The following GPC6 variants were observed in gnomAD, a reference collection of about 807,000 sequenced individuals.
The protein encoded by GPC6 is glypican 6, also known as glypican-6.
In GPC6, 14 loss-of-function variants were observed where a neutral mutation model predicts 55.2. The observed-to-expected ratio is 0.25, with a 90% CI of 0.17 to 0.40. GPC6 has a LOEUF of 0.40. GPC6 is among the 10% of genes least tolerant of loss of function. GPC6 has a pLI of 1.00. For synonymous variants in GPC6, 278 were observed against 259.6 expected (o/e 1.07, Z -0.68); for missense variants, 641 against 708.5 (o/e 0.90, Z 1.08).
intron 1 of GPC6, among the ~76,000 whole-genome samples, chr13:93,365,882 G>A (rs1294811079): frequency 6.6e-6 from 1 of 151,990 alleles, no homozygotes; most frequent in African/African-American, 2.4e-5. Flanking sequence ...GGAAAAAAGA[G>A]GTTTCCAAAT....
chr13:93,806,345 T>C (rs1886541511), intron 2 of GPC6, among the ~76,000 whole-genome samples: 1 of 152,166 alleles, frequency 6.6e-6, no homozygotes, highest in South Asian at 2.1e-4. Context: ...TTCATTTTTA[T>C]TTTTTATTTG....
At chr13:94,156,131 A>T (rs1204301163) in intron 4 of GPC6, among the ~76,000 whole-genome samples, 1 of 152,178 alleles carries the variant, frequency 6.6e-6, no homozygotes. Context: ...GAAAAACGGG[A>T]TATGTCAAAC....
At chr13:93,776,306 A>G (rs1169838914) in intron 2 of GPC6, among the ~76,000 whole-genome samples, 3 of 152,194 alleles carry the variant, frequency 2.0e-5, no homozygotes, top group Admixed American at 2.0e-4. Flanking sequence ...AGTTCTAAAC[A>G]CTTTAACAAC....
intron 4 of GPC6, among the ~76,000 whole-genome samples, chr13:94,105,792 G>A (rs977036433): frequency 1.3e-5 from 2 of 152,162 alleles, no homozygotes; most frequent in African/African-American, 2.4e-5. Context: ...AATCTTTACC[G>A]GGACAGTTTT....
chr13:93,436,308 G>A (rs1303029756), intron 1 of GPC6, among the ~76,000 whole-genome samples: 1 of 152,060 alleles, frequency 6.6e-6, no homozygotes, highest in African/African-American at 2.4e-5. Flanking sequence ...TCTTTCCAAT[G>A]TATTTATAGC....
At chr13:93,594,955 G>C (rs976092272) in intron 2 of GPC6, among the ~76,000 whole-genome samples, 2 of 152,126 alleles carry the variant, frequency 1.3e-5, no homozygotes, top group Non-Finnish European at 2.9e-5. Context: ...ATTGGTTTTT[G>C]ACATACGAAT....
chr13:94,214,982 G>C (rs1378866979), intron 4 of GPC6, among the ~76,000 whole-genome samples: 1 of 152,122 alleles, frequency 6.6e-6, no homozygotes, highest in African/African-American at 2.4e-5. Flanking sequence ...TTTCAACCTG[G>C]CCCCTTTTCT....
At chr13:94,034,204 G>GAAA (rs1883247728) in intron 4 of GPC6, among the ~76,000 whole-genome samples, 1 of 16,094 alleles carries the variant, frequency 6.2e-5, no homozygotes, top group African/African-American at 9.1e-5. Flanking sequence ...AAAGAAAGAA[G>GAAA]GAAGGAAGGA....
intron 8 of GPC6, among the ~76,000 whole-genome samples, chr13:94,401,262 C>T (rs914665602): frequency 3.3e-5 from 5 of 152,206 alleles, no homozygotes; most frequent in African/African-American, 1.2e-4. Flanking sequence ...TCTACCCTCT[C>T]AAAGATTATG....
At chr13:93,780,266 A>C (rs1413085716) in intron 2 of GPC6, among the ~76,000 whole-genome samples, 2 of 152,018 alleles carry the variant, frequency 1.3e-5, no homozygotes, top group Non-Finnish European at 2.9e-5. Flanking sequence ...ACCAAAAAAA[A>C]TTTAAAAGCA....
intron 1 of GPC6, among the ~76,000 whole-genome samples, chr13:93,501,674 T>C (rs1162906252): frequency 6.6e-6 from 1 of 152,136 alleles, no homozygotes; most frequent in African/African-American, 2.4e-5. Context: ...TTACTGCATC[T>C]TCACATTTCA....
intron 3 of GPC6, among the ~76,000 whole-genome samples, chr13:93,917,729 C>A (rs921739826): frequency 6.6e-6 from 1 of 152,152 alleles, no homozygotes; most frequent in Non-Finnish European, 1.5e-5. Flanking sequence ...GTGGGTGCGA[C>A]CCCAGCCACA....
At chr13:93,806,945 T>C (rs1886559541) in intron 2 of GPC6, among the ~76,000 whole-genome samples, 1 of 152,094 alleles carries the variant, frequency 6.6e-6, no homozygotes, top group African/African-American at 2.4e-5. Context: ...CTTACCAATG[T>C]GAAATATATT....
At chr13:94,040,366 A>G (rs753944794) in intron 4 of GPC6, among the ~76,000 whole-genome samples, 45 of 151,862 alleles carry the variant, frequency 3.0e-4, no homozygotes, top group Non-Finnish European at 6.5e-4. Flanking sequence ...AAGTCCCCCA[A>G]GGAACAACAC....
At chr13:93,713,114 A>C (rs1020852489) in intron 2 of GPC6, among the ~76,000 whole-genome samples, 8 of 151,612 alleles carry the variant, frequency 5.3e-5, no homozygotes, top group Non-Finnish European at 1.2e-4. Flanking sequence ...TAAAAACATA[A>C]ATTTTAACAT....
At chr13:94,402,936 T>G in intron 8 of GPC6, 79 bp from the exon 9 acceptor site, 2 of 1,025,908 alleles carry the variant, frequency 1.9e-6, no homozygotes, top group Non-Finnish European at 3.1e-6. Context: ...GGATTACAAT[T>G]CAAGATGAGA....
intron 3 of GPC6, among the ~76,000 whole-genome samples, chr13:93,975,419 G>A (rs986609111): frequency 6.6e-5 from 10 of 152,104 alleles, no homozygotes; most frequent in East Asian, 1.9e-4. Flanking sequence ...GAGCATTTCC[G>A]TACTTTCTTC....
intron 3 of GPC6, among the ~76,000 whole-genome samples, chr13:93,857,234 A>C (rs569225192): frequency 6.6e-6 from 1 of 151,720 alleles, no homozygotes; most frequent in African/African-American, 2.4e-5. Flanking sequence ...GAGAGAATCA[A>C]AGAAAGTTTT....
At chr13:93,519,019 C>T (rs1034068030) in intron 1 of GPC6, among the ~76,000 whole-genome samples, 2 of 151,988 alleles carry the variant, frequency 1.3e-5, no homozygotes, top group African/African-American at 4.8e-5. Flanking sequence ...TTCAGCTACA[C>T]AGGCAGAGTT....
Sources: gnomAD v4.1 joint callset for allele counts (sites outside exome capture counted in the v4.1 genomes callset) on GRCh38, gnomAD v4.1.1 for gene constraint, MANE v1.5 for transcripts, NCBI Gene and HGNC (gene_info 2026-07-23, HGNC 2026-07-21) for gene names.